The following CPNE7 variants were observed in gnomAD, a reference collection of about 807,000 sequenced individuals.
CPNE7 encodes copine-7.
In CPNE7, 78 loss-of-function variants were observed where a neutral mutation model predicts 66.5. The observed-to-expected ratio is 1.17, with a 90% confidence interval of 0.98 to 1.42. CPNE7 has a LOEUF of 1.42. Ranked by LOEUF, CPNE7 falls within the 40% of genes most tolerant of loss-of-function variation. CPNE7 has a pLI of 0.00. For missense variants in CPNE7, 1,012 were observed against 776.6 expected, an observed-to-expected ratio of 1.30 and a Z score of -3.60; for synonymous variants, 468 against 336.7, an observed-to-expected ratio of 1.39 and a Z score of -4.27.
intron 1 of CPNE7, among the ~76,000 whole-genome samples, 187 bp downstream of exon 1, chr16:89,576,258 G>C (rs1038775534): frequency 6.6e-6 from 1 of 151,828 alleles, no homozygotes; most frequent in African/African-American, 2.4e-5. Flanking sequence ...CAGAGCTGTG[G>C]GGAGAGGCTG....
At chr16:89,581,261 C>T (rs533992314) in intron 2 of CPNE7, among the ~76,000 whole-genome samples, 26 of 150,932 alleles carry the variant, frequency 1.7e-4, no homozygotes, top group African/African-American at 4.4e-4. Flanking sequence ...TCCGATCACC[C>T]GTCACACGGA....
intron 2 of CPNE7, among the ~76,000 whole-genome samples, chr16:89,582,265 C>T (rs1381010275): frequency 1.3e-5 from 2 of 152,228 alleles, no homozygotes; most frequent in Non-Finnish European, 2.9e-5. Context: ...CAACTGTTTC[C>T]TCATGTGATT....
rs899217961 is a variant in CPNE7, at chr16:89,584,472, G to C, written c.508-302G>C. 6.6e-6 allele frequency among the ~76,000 whole-genome samples: 1 copy of C among 152,186 alleles called. No individual in the cohort carries two copies. The highest frequency in any genetic ancestry group is 2.4e-5 in the African/African-American group (1 of 41,452). On this transcript the variant is annotated intron_variant, in intron 4 of 14. Coordinates refer to ENST00000319518, the MANE Select transcript of CPNE7 (RefSeq NM_153636.3). The surrounding 1 kb of genome is among the most constrained non-coding windows in gnomAD (Gnocchi z 6.0). Reference sequence around the variant, plus strand: ...GGTGGGCAGAACAGGGTCCAACCCCGCCATGTAGGGCGTCTCCCTGGAGGG... The same window carrying C: ...GGTGGGCAGAACAGGGTCCAACCCCCCCATGTAGGGCGTCTCCCTGGAGGG...
At position 89,576,152 on chromosome 16, in the gene CPNE7, G is replaced by A. The variant is rs1010242183; in HGVS notation, c.174+81G>A. On this transcript the variant is annotated intron_variant, in intron 1 of 14. Transcript: ENST00000319518. ...TGGGGATGCGGAGACCAGAGCGGGCGCGCTGAGGCCAGTGGGGCGCAAGGC... is the reference window on the plus strand; with the variant it reads ...TGGGGATGCGGAGACCAGAGCGGGCACGCTGAGGCCAGTGGGGCGCAAGGC... 1.4e-5 allele frequency: 17 copies of A among 1,177,096 alleles called. No homozygotes were observed. The East Asian group carries it at 4.2e-4, about 29-fold the overall frequency. 72.9% of individuals were successfully genotyped at this position (1,177,096 alleles called of 1,614,324 possible). A position where few individuals can be genotyped will look rare whatever the true frequency, so the allele number is the denominator to read the frequency against.
chr16:89,586,803 T>A, intron 8 of CPNE7, 47 bp downstream of exon 8: 2 of 1,489,932 alleles, frequency 1.3e-6, no homozygotes, highest in Non-Finnish European at 1.9e-6. Flanking sequence ...AAGAGGGGCT[T>A]CCGCTGCCTC....
chr16:89,592,818 T>C (rs2059195231), intron 13 of CPNE7, among the ~76,000 whole-genome samples: 1 of 146,552 alleles, frequency 6.8e-6, no homozygotes, highest in Non-Finnish European at 1.5e-5. Context: ...TTCTTTTTTT[T>C]TTTTTTTTTT....
At chr16:89,589,184 C>G (rs1047697875) in intron 10 of CPNE7, among the ~76,000 whole-genome samples, 1 of 152,176 alleles carries the variant, frequency 6.6e-6, no homozygotes, top group Non-Finnish European at 1.5e-5. Context: ...CCCAGCTACT[C>G]AGGAGGCTGA....
intron 10 of CPNE7, among the ~76,000 whole-genome samples, chr16:89,589,268 G>A (rs2059134054): frequency 6.6e-6 from 1 of 152,170 alleles, no homozygotes; most frequent in East Asian, 1.9e-4. Flanking sequence ...CTCAAGCCTG[G>A]GTGACAGAGC....
chr16:89,591,098 G>A, intron 12 of CPNE7, 29 bp from the exon 13 acceptor site: 2 of 1,613,326 alleles, frequency 1.2e-6, no homozygotes, highest in Non-Finnish European at 1.7e-6. Context: ...GAGTGCAGGG[G>A]GGCCGGGCTC....
At chr16:89,581,679 C>G (rs554892293) in intron 2 of CPNE7, among the ~76,000 whole-genome samples, 13 of 152,206 alleles carry the variant, frequency 8.5e-5, no homozygotes, top group Non-Finnish European at 1.8e-4. Context: ...GGTTCTCACT[C>G]TGCCGCCCAG....
In CPNE7 at chr16:89,588,678, G is replaced by C; in HGVS notation, c.931G>C (p.Ala311Pro). Residue 311 changes from alanine (A) to proline (P), a missense_variant, in exon 10 of 15, where the codon GCC becomes CCC. By Grantham distance (27) the Ala-to-Pro change is conservative (BLOSUM62 -1). Coordinates refer to ENST00000319518, the MANE Select transcript of CPNE7 (RefSeq NM_153636.3). Reference sequence around the variant, plus strand: ...CCTGGCTCCCGGCCCACTGCAGGTGGCCATTGACTTCACCGCCTCCAATGG... The same window carrying C: ...CCTGGCTCCCGGCCCACTGCAGGTGCCCATTGACTTCACCGCCTCCAATGG... The part of the protein sequence containing the change: ...MGGCQIHFTV[A>P]IDFTASNGDP... 1.2e-6 allele frequency: 2 copies of C among 1,613,130 alleles called. No individual in the cohort carries two copies. The highest frequency in any genetic ancestry group is 1.7e-6 in the Non-Finnish European group (2 of 1,179,928).
At position 89,591,232 on chromosome 16, in the gene CPNE7, C is replaced by T. The variant is rs140614400; in HGVS notation, c.1274C>T (p.Ala425Val). 276 of 1,586,282 alleles carry T rather than the reference C, an allele frequency of 1.7e-4. No homozygotes were observed. The highest frequency in any genetic ancestry group is 2.3e-4 in the Non-Finnish European group (263 of 1,166,470). The change falls in exon 13 of 15, where the codon GCG (alanine) becomes GTG (valine). Residue 425 changes from alanine to valine, a missense_variant. Coordinates refer to ENST00000319518, the MANE Select transcript of CPNE7 (RefSeq NM_153636.3). ...ATCTCCAAGGTGGCACGCGTGGCGG[C>T]GGCCGAGGAGAGCACCGGGAAAGCC... is the stretch of plus-strand genomic sequence containing the variant. ...PIISKVARVA[A>V]AEESTGKASQ...
Position 89,595,463 on chromosome 16 carries a change from A to G in CPNE7, c.1399A>G (p.Ile467Val). Reference protein sequence around the residue: ...IVRASRLPMSIIIVGVGNADF... With the variant: ...IVRASRLPMSVIIVGVGNADF... ...GCGTGCCTCACGCCTGCCCATGTCC[A>G]TCATCATCGTGGGCGTGGGCAACGC... The change falls in exon 14 of 15, where the codon ATC becomes GTC. Residue 467 changes from isoleucine (I) to valine (V), a missense_variant. Transcript: ENST00000319518. The G allele has an allele frequency of 6.2e-7, 1 of 1,612,438 alleles. No homozygotes were observed. The highest frequency in any genetic ancestry group is 8.5e-7 in the Non-Finnish European group (1 of 1,179,756).
chr16:89,587,039 G>C lies in CPNE7; in HGVS notation c.868-4G>C, dbSNP rs367624092. 22 of 1,577,706 alleles carry C rather than the reference G, an allele frequency of 1.4e-5. No individual in the cohort carries two copies. Among genetic ancestry groups the C allele is most frequent in the Non-Finnish European group, 1.6e-5 (19 of 1,161,540 alleles). On this transcript the variant is annotated splice_region_variant and splice_polypyrimidine_tract_variant and intron_variant, in intron 8 of 14. Transcript: ENST00000319518. ...GGGTGGACGCTGACTCCGCCGGCCG[G>C]AAGTTCCACAGGGTGTACTCCTTCC... is the stretch of plus-strand genomic sequence containing the variant.
chr16:89,577,448 T>C (rs2058877397), intron 1 of CPNE7, 91 bp from the exon 2 acceptor site: 1 of 1,319,652 alleles, frequency 7.6e-7, no homozygotes. Context: ...CTGAGGTACC[T>C]GGGCGTGGGT....
intron 14 of CPNE7, among the ~76,000 whole-genome samples, chr16:89,596,184 A>G (rs1027842755): frequency 6.6e-6 from 1 of 152,258 alleles, no homozygotes; most frequent in Non-Finnish European, 1.5e-5. Flanking sequence ...GAGTCACATC[A>G]CACAGACACG....
Position 89,584,694 on chromosome 16 carries a change from C to G in CPNE7, c.508-80C>G. On this transcript the variant is annotated intron_variant, in intron 4 of 14. Transcript: ENST00000319518. The surrounding 1 kb of genome is among the most constrained non-coding windows in gnomAD (Gnocchi z 6.0). ...AGCGGCTGGTGGCATGAAGTGAGCC[C>G]TGGGAAACGACAAAGCCAGCTCCCA... 1 of 1,070,420 alleles carries G rather than the reference C, an allele frequency of 9.3e-7. No individual in the cohort carries two copies. Among genetic ancestry groups the G allele is most frequent in the East Asian group, 2.5e-5 (1 of 40,504 alleles). 66.3% of individuals were successfully genotyped at this position (1,070,420 alleles called of 1,614,324 possible).
At position 89,596,637 on chromosome 16, in the gene CPNE7, A is replaced by G; in HGVS notation, c.*16A>G. 1 of 1,585,664 alleles carries G rather than the reference A, an allele frequency of 6.3e-7. No homozygotes were observed. Among genetic ancestry groups the G allele is most frequent in the Non-Finnish European group, 8.5e-7 (1 of 1,171,868 alleles). ...CACACCGTGAAGATGTGGAGGGCGTAGGGTGGGGGCAGTGAGGAATGGGTC... is the reference window on the plus strand; with the variant it reads ...CACACCGTGAAGATGTGGAGGGCGTGGGGTGGGGGCAGTGAGGAATGGGTC... On this transcript the variant is annotated 3_prime_UTR_variant, in exon 15 of 15. Transcript: ENST00000319518.
At chr16:89,581,078 C>G (rs1372614890) in intron 2 of CPNE7, among the ~76,000 whole-genome samples, 1 of 149,600 alleles carries the variant, frequency 6.7e-6, no homozygotes, top group Non-Finnish European at 1.5e-5. Context: ...TCACCTGTCA[C>G]ACGGAACATC....
Sources: gnomAD v4.1 joint callset for allele counts (sites outside exome capture counted in the v4.1 genomes callset) on GRCh38, gnomAD v4.1.1 for gene constraint, Gnocchi (gnomAD v3.1) non-coding constraint, MANE v1.5 for transcripts, NCBI Gene and HGNC (gene_info 2026-07-23, HGNC 2026-07-21) for gene names.